SF3B1: variants seen among roughly 807,000 people sequenced by gnomAD.
SF3B1 encodes splicing factor 3b subunit 1, also known as pre-mRNA processing 10.
In SF3B1, 12 loss-of-function variants were observed where a neutral mutation model predicts 153.8. The observed-to-expected ratio is 0.08, with a 90% CI of 0.05 to 0.13. The LOEUF (loss-of-function observed/expected upper bound fraction) is 0.13, where lower values mean the gene tolerates loss of function less well. SF3B1 is among the 10% of genes least tolerant of loss of function. The pLI, the probability that SF3B1 is intolerant of heterozygous loss-of-function variation, is 1.00. For synonymous variants in SF3B1, 498 were observed against 525.2 expected, an observed-to-expected ratio of 0.95 and a Z score of 0.71; for missense variants, 513 against 1,606.1, an observed-to-expected ratio of 0.32 and a Z score of 11.63.
intron 5 of SF3B1, among the ~76,000 whole-genome samples, chr2:197,417,373 T>C (rs2085163539): frequency 6.6e-6 from 1 of 152,118 alleles, no homozygotes; most frequent in African/African-American, 2.4e-5. Context: ...ATTCACTCTG[T>C]ACTGTTAAAA....
rs1325167786 is a variant in SF3B1 at position 197,400,692 on chromosome 2, T to C, written c.2718+23A>G. 2.0e-6 allele frequency: 3 copies of C among 1,472,540 alleles called. No individual in the cohort carries two copies. Among genetic ancestry groups the C allele is most frequent in the East Asian group, 4.5e-5 (2 of 44,052 alleles). The allele number at this position is 1,472,540 out of a possible 1,614,324, so 91.2% of individuals were successfully genotyped here. On this transcript the variant is annotated intron_variant, in intron 18 of 24. Coordinates refer to ENST00000335508, the MANE Select transcript of SF3B1 (RefSeq NM_012433.4). The surrounding 1 kb of genome is among the most constrained non-coding windows in gnomAD (Gnocchi z 5.0). ...CTACAAATATTAAAGTTAGTAGCAA[T>C]GTGCCATAATAGTTTTCATTACCTC... is the stretch of plus-strand genomic sequence containing the variant.
chr2:197,412,697 C>T (rs575052680), intron 6 of SF3B1, among the ~76,000 whole-genome samples: 1 of 151,362 alleles, frequency 6.6e-6, no homozygotes, highest in Admixed American at 6.6e-5. Flanking sequence ...AGCATATCAG[C>T]TCTCATGCCA....
At chr2:197,408,306 CAAAGGAAAAAATTAAATAATTT>C in intron 8 of SF3B1, 41 bp downstream of exon 8, 1 of 1,515,098 alleles carries the variant, frequency 6.6e-7, no homozygotes. Flanking sequence ...CAGAATACCA[CAAAGGAAAAAATTAAATAATTT>C]ATGGAGAAAA....
rs2105985417 is a variant in SF3B1, at chr2:197,402,090, A to G, written c.2118T>C (p.Ala706=). Residue 706 remains alanine (A), a synonymous_variant, in exon 15 of 25, where the codon GCT becomes GCC. Coordinates refer to ENST00000335508, the MANE Select transcript of SF3B1 (RefSeq NM_012433.4). The surrounding 1 kb of genome is among the most constrained non-coding windows in gnomAD (Gnocchi z 4.6). ...CTTCAGCCAAGGCAGCAATGGCCAAAGCACTGATGGTCCGAACTTTCTGCT... is the reference window on the plus strand; with the variant it reads ...CTTCAGCCAAGGCAGCAATGGCCAAGGCACTGATGGTCCGAACTTTCTGCT... The part of the protein sequence containing the change: ...DEQQKVRTIS[A]LAIAALAEAA... 1 of 1,611,000 alleles carries G rather than the reference A, an allele frequency of 6.2e-7. No homozygotes were observed. The highest frequency in any genetic ancestry group is 1.7e-5 in the Admixed American group (1 of 59,358).
chr2:197,423,738 A>G lies in SF3B1; in HGVS notation c.195+70T>C, dbSNP rs2085286073. 2.7e-6 allele frequency: 4 copies of G among 1,493,960 alleles called. No homozygotes were observed. The Admixed American group carries it at 7.3e-5, about 27-fold the overall frequency. 92.5% of individuals were successfully genotyped at this position (1,493,960 alleles called of 1,614,324 possible). ...TCTCCAGATTAAACCAGATGGCTGC[A>G]ACAAAAGTTATTCATATTTCTTGCT... On this transcript the variant is annotated intron_variant, in intron 2 of 24. Coordinates refer to ENST00000335508, the MANE Select transcript of SF3B1 (RefSeq NM_012433.4).
At chr2:197,392,761 C>T (rs1458980657) in intron 24 of SF3B1, among the ~76,000 whole-genome samples, 1 of 151,744 alleles carries the variant, frequency 6.6e-6, no homozygotes, top group Non-Finnish European at 1.5e-5. Context: ...AACTTACAGG[C>T]AGTGGGGGGA....
In SF3B1 at chr2:197,405,264, GT is replaced by G; in HGVS notation, c.1437+10del. 2.5e-6 allele frequency: 4 copies of G among 1,599,692 alleles called. No individual in the cohort carries two copies. The highest frequency in any genetic ancestry group is 3.4e-6 in the Non-Finnish European group (4 of 1,167,208). On this transcript the variant is annotated intron_variant, in intron 10 of 24. Coordinates refer to ENST00000335508, the MANE Select transcript of SF3B1 (RefSeq NM_012433.4). The stretch of plus-strand genomic sequence containing the variant: ...CACAATTAATAGTTTATTTCTGCTA[GT>G]ATCACTTACCAATAGTTTATCAAAG...
At chr2:197,424,887 C>T (rs2085308449) in intron 1 of SF3B1, among the ~76,000 whole-genome samples, 1 of 152,224 alleles carries the variant, frequency 6.6e-6, no homozygotes, top group African/African-American at 2.4e-5. Context: ...TGGCCGGGCG[C>T]GGTGGTCCAC....
At position 197,401,572 on chromosome 2, in the gene SF3B1, A is replaced by G; in HGVS notation, c.2371-47T>C. The G allele has an allele frequency of 1.3e-6, 2 of 1,562,928 alleles. No individual in the cohort carries two copies. The highest frequency in any genetic ancestry group is 1.8e-6 in the Non-Finnish European group (2 of 1,142,308). On this transcript the variant is annotated intron_variant, in intron 16 of 24. Transcript: ENST00000335508. This position sits in a 1 kb window ranked among gnomAD's most constrained non-coding sequence, Gnocchi z 4.2. Reference sequence around the variant, plus strand: ...ATAATAAATCAACTGACCTGAAATGAAGAGAATACTCATTGCTGATTACGT... The same window carrying G: ...ATAATAAATCAACTGACCTGAAATGGAGAGAATACTCATTGCTGATTACGT...
chr2:197,433,221 C>T (rs1306078604), intron 1 of SF3B1, among the ~76,000 whole-genome samples: 1 of 152,192 alleles, frequency 6.6e-6, no homozygotes, highest in Non-Finnish European at 1.5e-5. Context: ...AGACAGTGCT[C>T]AAGTATTGAA....
chr2:197,398,354 T>C, intron 21 of SF3B1, 107 bp downstream of exon 21: 1 of 1,220,596 alleles, frequency 8.2e-7, no homozygotes, highest in Non-Finnish European at 1.2e-6. Flanking sequence ...TAGCCTAATC[T>C]TTTACACTTA....
At chr2:197,411,822 G>T (rs1394150494) in intron 6 of SF3B1, among the ~76,000 whole-genome samples, 1 of 152,110 alleles carries the variant, frequency 6.6e-6, no homozygotes, top group Non-Finnish European at 1.5e-5. Context: ...TCAGGGCTGG[G>T]CATGGTGGTT....
At chr2:197,420,038 A>G (rs1478447203) in intron 4 of SF3B1, 8 of 243,970 alleles carry the variant, frequency 3.3e-5, no homozygotes, top group Non-Finnish European at 4.0e-5. Flanking sequence ...CTAGTGTGAG[A>G]AACAGTTTCT....
intron 22 of SF3B1, among the ~76,000 whole-genome samples, chr2:197,396,947 G>T (rs1056011014): frequency 6.6e-6 from 1 of 152,210 alleles, no homozygotes; most frequent in African/African-American, 2.4e-5. Flanking sequence ...TGTGTTAGGG[G>T]AGGGGGTGTT....
chr2:197,407,521 C>CT (rs1205886310), intron 9 of SF3B1, among the ~76,000 whole-genome samples: 1 of 151,482 alleles, frequency 6.6e-6, no homozygotes, highest in Admixed American at 6.6e-5. Context: ...AAGAGAATCG[C>CT]TTAAACCTGG....
chr2:197,394,394 A>C (rs1395557129), intron 23 of SF3B1, among the ~76,000 whole-genome samples: 1 of 152,214 alleles, frequency 6.6e-6, no homozygotes, highest in Non-Finnish European at 1.5e-5. Flanking sequence ...AATTAAAGTT[A>C]AATTCCCTTC....
At chr2:197,394,110 G>C (rs1574522531) in intron 23 of SF3B1, among the ~76,000 whole-genome samples, 2 of 152,022 alleles carry the variant, frequency 1.3e-5, no homozygotes, top group East Asian at 3.9e-4. Context: ...CTTGAACCTG[G>C]GGGGTGGAGG....
chr2:197,431,104 CTTTTT>C (rs558644461), intron 1 of SF3B1, among the ~76,000 whole-genome samples: 10 of 73,656 alleles, frequency 1.4e-4, no homozygotes, highest in Non-Finnish European at 1.9e-4. Context: ...GCCTTTTCTT[CTTTTT>C]TTTTTTTTTT....
intron 9 of SF3B1, among the ~76,000 whole-genome samples, chr2:197,407,333 G>T (rs1004565387): frequency 6.6e-6 from 1 of 152,038 alleles, no homozygotes. Flanking sequence ...GGCCAGGCAC[G>T]GTAACTCACG....
Sources: gnomAD v4.1 joint callset for allele counts (sites outside exome capture counted in the v4.1 genomes callset) on GRCh38, gnomAD v4.1.1 for gene constraint, Gnocchi (gnomAD v3.1) non-coding constraint, MANE v1.5 for transcripts, NCBI Gene and HGNC (gene_info 2026-07-23, HGNC 2026-07-21) for gene names.